The following MGAT4C variants were observed in gnomAD, a reference collection of about 807,000 sequenced individuals.
The protein encoded by MGAT4C is alpha-1,3-mannosyl-glycoprotein 4-beta-N-acetylglucosaminyltransferase C.
Under a neutral mutation model 40.1 loss-of-function variants are expected in MGAT4C, and 19 were observed. The observed-to-expected ratio is 0.47, with a 90% CI of 0.33 to 0.70. The LOEUF is 0.70. Among genes scored for constraint, MGAT4C ranks in the 30% least tolerant of loss-of-function variants. MGAT4C has a pLI of 0.02. For missense variants in MGAT4C, 491 were observed against 563.2 expected (o/e 0.87, Z 1.30); for synonymous variants, 181 against 187.1 (o/e 0.97, Z 0.27).
At chr12:86,266,110 G>A (rs1348674731) in intron 4 of MGAT4C, among the ~76,000 whole-genome samples, 1 of 151,832 alleles carries the variant, frequency 6.6e-6, no homozygotes, top group African/African-American at 2.4e-5. Flanking sequence ...TGCTCTTTTC[G>A]AGTTTGTATA....
intron 1 of MGAT4C, among the ~76,000 whole-genome samples, chr12:86,815,004 TGA>T (rs1026583028): frequency 2.0e-5 from 3 of 152,024 alleles, no homozygotes; most frequent in African/African-American, 7.2e-5. Context: ...ATGAAAAAAA[TGA>T]GACTCTTTAA....
intron 3 of MGAT4C, among the ~76,000 whole-genome samples, chr12:86,396,519 G>A (rs938639822): frequency 6.6e-6 from 1 of 152,090 alleles, no homozygotes; most frequent in Non-Finnish European, 1.5e-5. Context: ...TTATCTGGAT[G>A]CCCATCCATC....
intron 3 of MGAT4C, among the ~76,000 whole-genome samples, chr12:86,354,326 A>C (rs1408959923): frequency 6.6e-6 from 1 of 152,166 alleles, no homozygotes; most frequent in Non-Finnish European, 1.5e-5. Context: ...ATATTTTAAA[A>C]CTCTAAATTA....
At chr12:86,353,833 G>A (rs779089626) in intron 3 of MGAT4C, among the ~76,000 whole-genome samples, 26 of 151,850 alleles carry the variant, frequency 1.7e-4, no homozygotes, top group Non-Finnish European at 3.5e-4. Flanking sequence ...TTACTGCTTT[G>A]CCCCAAGTTG....
At chr12:86,696,199 A>T (rs2136605889) in intron 2 of MGAT4C, among the ~76,000 whole-genome samples, 1 of 152,052 alleles carries the variant, frequency 6.6e-6, no homozygotes, top group East Asian at 1.9e-4. Context: ...CAGCCTGGCA[A>T]CAGAGTGAGA....
At position 86,147,387 on chromosome 12, in the gene MGAT4C, A is replaced by G. The variant is rs1019361377; in HGVS notation, c.-56-97664T>C. ...CTCCCAAGTACCTGGGACTACAGGC[A>G]CCCGCCACCACGCCCAGCTAATTTT... On this transcript the variant is annotated intron_variant, in intron 1 of 4. Coordinates refer to ENST00000611864, the MANE Select transcript of MGAT4C (RefSeq NM_001351288.2). 4.5e-4 allele frequency among the ~76,000 whole-genome samples: 69 copies of G among 152,024 alleles called. No homozygotes were observed. In the East Asian group the frequency reaches 7.8e-3, roughly 17 times the overall value.
chr12:86,074,065 G>T (rs1268372339), intron 1 of MGAT4C, among the ~76,000 whole-genome samples: 1 of 152,110 alleles, frequency 6.6e-6, no homozygotes, highest in Non-Finnish European at 1.5e-5. Context: ...TTTTTCTCAT[G>T]CTGTGCTCCT....
intron 4 of MGAT4C, among the ~76,000 whole-genome samples, chr12:86,327,835 T>C (rs1042606105): frequency 1.3e-5 from 2 of 152,140 alleles, no homozygotes; most frequent in African/African-American, 2.4e-5. Flanking sequence ...TGCTGCAAGT[T>C]CCTGAGACTG....
intron 2 of MGAT4C, among the ~76,000 whole-genome samples, chr12:86,631,554 G>T (rs997663227): frequency 6.6e-6 from 1 of 151,946 alleles, no homozygotes. Flanking sequence ...TACCAAAACA[G>T]ACATATAGAC....
At chr12:86,569,190 A>T (rs1052582730) in intron 2 of MGAT4C, among the ~76,000 whole-genome samples, 1 of 152,060 alleles carries the variant, frequency 6.6e-6, no homozygotes, top group Non-Finnish European at 1.5e-5. Flanking sequence ...AAATAACACT[A>T]TATTATACTG....
chr12:86,171,636 A>G (rs747868130), intron 1 of MGAT4C, among the ~76,000 whole-genome samples: 3 of 152,160 alleles, frequency 2.0e-5, no homozygotes, highest in Non-Finnish European at 2.9e-5. Flanking sequence ...GGGGTTTAAA[A>G]TCCAGACATT....
chr12:85,991,478 G>T (rs572955981), intron 2 of MGAT4C, among the ~76,000 whole-genome samples: 6 of 152,226 alleles, frequency 3.9e-5, no homozygotes, highest in African/African-American at 1.4e-4. Context: ...CTTCCCCCCA[G>T]AAGTCTGTCT....
chr12:86,554,119 CA>C (rs1184192775), intron 2 of MGAT4C, among the ~76,000 whole-genome samples: 11 of 64,854 alleles, frequency 1.7e-4, no homozygotes, highest in African/African-American at 5.8e-4. Flanking sequence ...AGCACGTAAA[CA>C]CATACACATA....
chr12:86,511,432 T>C (rs1958582738), intron 2 of MGAT4C, among the ~76,000 whole-genome samples: 2 of 152,184 alleles, frequency 1.3e-5, no homozygotes, highest in African/African-American at 4.8e-5. Context: ...TTGATGCTAT[T>C]ATAAATCGAA....
chr12:86,141,218 A>T (rs1039642372), intron 1 of MGAT4C, among the ~76,000 whole-genome samples: 1 of 152,186 alleles, frequency 6.6e-6, no homozygotes, highest in African/African-American at 2.4e-5. Flanking sequence ...GGTTATTTGT[A>T]GACAGAAAAA....
rs556788302 is a variant in MGAT4C, at chr12:85,955,997, A to C, written c.*23292T>G. 6.6e-6 allele frequency: 1 copy of C among 152,234 alleles called. No homozygotes were observed. Among genetic ancestry groups the C allele is most frequent in the African/African-American group, 2.4e-5 (1 of 41,466 alleles). 9.4% of individuals were successfully genotyped at this position (152,234 alleles called of 1,614,324 possible). On this transcript the variant is annotated 3_prime_UTR_variant, in exon 5 of 5. Transcript: ENST00000611864. Reference sequence around the variant, plus strand: ...TGGTATTTTTGATGAAATTAAGTCCATGAATACATATAGTAAAATGTAGAG... The same window carrying C: ...TGGTATTTTTGATGAAATTAAGTCCCTGAATACATATAGTAAAATGTAGAG...
chr12:86,441,369 T>A (rs1430989375), intron 2 of MGAT4C, among the ~76,000 whole-genome samples: 1 of 151,374 alleles, frequency 6.6e-6, no homozygotes. Context: ...TTATTATACT[T>A]TAAGTTCTAG....
rs575166816 is a variant in MGAT4C at position 86,290,236 on chromosome 12, G to A, written c.-57+43829C>T. ...TAATTTTTGTATTTTCAGTAGAGACGGGTTTGGCCAGGCTGGTCTTGAACT... is the reference window on the plus strand; with the variant it reads ...TAATTTTTGTATTTTCAGTAGAGACAGGTTTGGCCAGGCTGGTCTTGAACT... On this transcript the variant is annotated intron_variant, in intron 4 of 7. Transcript: ENST00000548651. Among the ~76,000 whole-genome samples, 415 of 152,118 alleles carry A rather than the reference G, an allele frequency of 2.7e-3. 1 individual carries two copies. Among genetic ancestry groups the A allele is most frequent in the Non-Finnish European group, 5.2e-3 (356 of 67,992 alleles).
At chr12:86,533,473 A>C (rs1263143113) in intron 2 of MGAT4C, among the ~76,000 whole-genome samples, 1 of 151,886 alleles carries the variant, frequency 6.6e-6, no homozygotes, top group Non-Finnish European at 1.5e-5. Context: ...TGGCTCTTCT[A>C]CTCTGACACT....
Sources: allele counts gnomAD v4.1 joint callset (sites outside exome capture counted in the v4.1 genomes callset), GRCh38; gene constraint gnomAD v4.1.1; transcripts MANE v1.5; gene names NCBI Gene and HGNC (gene_info 2026-07-23, HGNC 2026-07-21).